The following YAP1 variants were observed in gnomAD, a reference collection of about 807,000 sequenced individuals.
The protein encoded by YAP1 is Yes1 associated transcriptional regulator.
In YAP1, 5 loss-of-function variants were observed where a neutral mutation model predicts 56.9. The observed-to-expected ratio is 0.09, with a 90% confidence interval of 0.05 to 0.18. YAP1 has a LOEUF of 0.18. Ranked by LOEUF, YAP1 falls within the 10% of genes least tolerant of loss-of-function variation. The pLI is 1.00. For synonymous variants in YAP1, 265 were observed against 248.1 expected (o/e 1.07, Z -0.64); for missense variants, 539 against 651.8 (o/e 0.83, Z 1.88).
At chr11:102,151,868 A>G (rs987585428) in intron 2 of YAP1, among the ~76,000 whole-genome samples, 4 of 152,170 alleles carry the variant, frequency 2.6e-5, no homozygotes, top group African/African-American at 7.2e-5. Flanking sequence ...TTGAGTGACC[A>G]TTATGAGTTT....
chr11:102,208,486 T>C (rs1295460957), intron 5 of YAP1, among the ~76,000 whole-genome samples: 2 of 152,146 alleles, frequency 1.3e-5, no homozygotes, highest in African/African-American at 4.8e-5. Context: ...AAATGTTTCT[T>C]TATCTGACAT....
intron 2 of YAP1, among the ~76,000 whole-genome samples, chr11:102,128,729 T>A (rs1944189702): frequency 6.6e-6 from 1 of 152,252 alleles, no homozygotes; most frequent in African/African-American, 2.4e-5. Flanking sequence ...CTAAGAATTT[T>A]GTTCAGAAGG....
chr11:102,215,003 A>T (rs75436365), intron 6 of YAP1, among the ~76,000 whole-genome samples: 122 of 152,298 alleles, frequency 8.0e-4, no homozygotes, highest in African/African-American at 2.9e-3. Flanking sequence ...TTTTTTAATC[A>T]AAAAAGTTGT....
At chr11:102,134,427 A>G (rs1480006892) in intron 2 of YAP1, among the ~76,000 whole-genome samples, 1 of 150,724 alleles carries the variant, frequency 6.6e-6, no homozygotes, top group Non-Finnish European at 1.5e-5. Flanking sequence ...AGAGGTATGT[A>G]CTTTGTCCTA....
chr11:102,113,830 AT>A (rs1251527731), intron 1 of YAP1, among the ~76,000 whole-genome samples: 4 of 152,170 alleles, frequency 2.6e-5, no homozygotes, highest in Non-Finnish European at 4.4e-5. Flanking sequence ...AGGTTTTAAA[AT>A]TCACTATTAT....
At chr11:102,117,927 C>T (rs1043301702) in intron 2 of YAP1, among the ~76,000 whole-genome samples, 1 of 152,174 alleles carries the variant, frequency 6.6e-6, no homozygotes, top group Non-Finnish European at 1.5e-5. Flanking sequence ...GGAAATAGTT[C>T]TTCAAGTAGT....
chr11:102,198,394 T>C (rs564548548), intron 4 of YAP1, among the ~76,000 whole-genome samples: 1 of 152,328 alleles, frequency 6.6e-6, no homozygotes, highest in Non-Finnish European at 1.5e-5. Flanking sequence ...TTTTGTGTAA[T>C]TTTATTGCTA....
At chr11:102,222,162 G>A (rs771791348) in intron 6 of YAP1, among the ~76,000 whole-genome samples, 1 of 152,194 alleles carries the variant, frequency 6.6e-6, no homozygotes, top group Non-Finnish European at 1.5e-5. Flanking sequence ...TGGCGATTGT[G>A]GAGGTGAGGG....
At chr11:102,167,349 GTACTT>G (rs569074586) in intron 3 of YAP1, among the ~76,000 whole-genome samples, 151 of 152,330 alleles carry the variant, frequency 9.9e-4, no homozygotes, top group Middle Eastern at 3.4e-3. Context: ...GATAATGGTT[GTACTT>G]TACTTTATAT....
In YAP1 at chr11:102,183,467, G is replaced by A. The variant is rs1030032406; in HGVS notation, c.689-2551G>A. ...AGAGAAACCCCTGGTGACTGATAGA[G>A]GACCTTGGAGTGAGAAGAGATGACA... is the stretch of plus-strand genomic sequence containing the variant. On this transcript the variant is annotated intron_variant, in intron 3 of 8. Coordinates refer to ENST00000282441, the MANE Select transcript of YAP1 (RefSeq NM_001130145.3). 3.3e-5 allele frequency among the ~76,000 whole-genome samples: 5 copies of A among 152,274 alleles called. No homozygotes were observed. The South Asian group carries it at 1.0e-3, about 32-fold the overall frequency.
chr11:102,152,718 A>G (rs879638614), intron 2 of YAP1, among the ~76,000 whole-genome samples: 23 of 152,212 alleles, frequency 1.5e-4, no homozygotes, highest in Admixed American at 1.5e-3. Flanking sequence ...AAAGATTCAG[A>G]TTATGCCTGG....
intron 3 of YAP1, among the ~76,000 whole-genome samples, chr11:102,180,271 T>A (rs1478738883): frequency 6.6e-6 from 1 of 152,114 alleles, no homozygotes; most frequent in African/African-American, 2.4e-5. Context: ...CTCCTTGGCC[T>A]CCTAATCTAT....
At chr11:102,136,455 CTCAGCCTCCTAAG>C (rs1944681434) in intron 2 of YAP1, among the ~76,000 whole-genome samples, 2 of 151,936 alleles carry the variant, frequency 1.3e-5, no homozygotes, top group South Asian at 4.1e-4. Context: ...ATCCTCTCAC[CTCAGCCTCCTAAG>C]TAGCTGGGAC....
At chr11:102,160,904 C>A (rs561474930) in intron 2 of YAP1, among the ~76,000 whole-genome samples, 63 of 152,110 alleles carry the variant, frequency 4.1e-4, no homozygotes, top group Non-Finnish European at 8.4e-4. Flanking sequence ...TGTATCCCTT[C>A]CTCTTGAAAA....
At chr11:102,142,873 G>A (rs545432245) in intron 2 of YAP1, among the ~76,000 whole-genome samples, 6 of 152,260 alleles carry the variant, frequency 3.9e-5, no homozygotes, top group East Asian at 3.9e-4. Context: ...TTCGTTTTGA[G>A]CATATAACAT....
intron 2 of YAP1, among the ~76,000 whole-genome samples, chr11:102,149,713 C>T (rs546751254): frequency 9.2e-5 from 14 of 152,204 alleles, no homozygotes; most frequent in African/African-American, 1.4e-4. Flanking sequence ...GGGAAAGGAA[C>T]GATGAATACC....
chr11:102,141,315 C>G (rs975077464), intron 2 of YAP1, among the ~76,000 whole-genome samples: 2 of 152,194 alleles, frequency 1.3e-5, no homozygotes, highest in African/African-American at 4.8e-5. Flanking sequence ...TTCGTGTTCC[C>G]AGTCATTTCA....
At chr11:102,163,630 C>T (rs1412775455) in intron 3 of YAP1, among the ~76,000 whole-genome samples, 3 of 152,154 alleles carry the variant, frequency 2.0e-5, no homozygotes, top group Admixed American at 2.0e-4. Context: ...TCTCCACCGC[C>T]CATGCATTTT....
At chr11:102,156,658 T>C (rs1945967009) in intron 2 of YAP1, among the ~76,000 whole-genome samples, 1 of 152,164 alleles carries the variant, frequency 6.6e-6, no homozygotes, top group Non-Finnish European at 1.5e-5. Context: ...TCAGGACAAA[T>C]ACAATTTTTG....
Sources: allele counts gnomAD v4.1 joint callset (sites outside exome capture counted in the v4.1 genomes callset), GRCh38; gene constraint gnomAD v4.1.1; transcripts MANE v1.5; gene names NCBI Gene and HGNC (gene_info 2026-07-23, HGNC 2026-07-21).